The following SCHIP1 variants were observed in gnomAD, a reference collection of about 807,000 sequenced individuals.
SCHIP1 encodes the protein schwannomin interacting protein 1.
SCHIP1 carries 8 observed loss-of-function variants against 29.7 expected under a neutral mutation model. The observed-to-expected ratio is 0.27, with a 90% CI of 0.16 to 0.49. SCHIP1 has a LOEUF of 0.49. Ranked by LOEUF, SCHIP1 falls within the 20% of genes least tolerant of loss-of-function variation. SCHIP1 has a pLI of 0.99. For missense variants in SCHIP1, 193 were observed against 294.6 expected, an observed-to-expected ratio of 0.66 and a Z score of 2.52; for synonymous variants, 76 against 94.9, an observed-to-expected ratio of 0.80 and a Z score of 1.16.
chr3:159,304,452 G>A, the SCHIP1 span, among the ~76,000 whole-genome samples: 7 of 152,086 alleles, frequency 4.6e-5, no homozygotes, highest in South Asian at 2.1e-4. Context: ...TATTTCTAAC[G>A]TTTTCCTTCC....
chr3:159,751,549 C>CTT, the SCHIP1 span, among the ~76,000 whole-genome samples: 12,531 of 145,654 alleles, frequency 0.086, 573 homozygotes, highest in African/African-American at 0.11. Flanking sequence ...ACAATTATTT[C>CTT]TTTTTTTTTT....
chr3:159,326,835 T>C, the SCHIP1 span, among the ~76,000 whole-genome samples: 1 of 152,180 alleles, frequency 6.6e-6, no homozygotes, highest in Non-Finnish European at 1.5e-5. Context: ...ACAAAAGCAT[T>C]ACTTGGCTGG....
chr3:159,426,016 C>A, the SCHIP1 span, among the ~76,000 whole-genome samples: 17 of 151,970 alleles, frequency 1.1e-4, no homozygotes, highest in Admixed American at 5.2e-4. Context: ...CACAACATAC[C>A]AGAATCTCTG....
intron 6 of SCHIP1, 55 bp downstream of exon 7, chr3:159,892,245 T>G: frequency 6.2e-7 from 1 of 1,604,498 alleles, no homozygotes; most frequent in Non-Finnish European, 8.5e-7. Context: ...GTCTGAAATC[T>G]AAGAATTAGG....
chr3:159,554,139 G>A, the SCHIP1 span, among the ~76,000 whole-genome samples: 4 of 152,050 alleles, frequency 2.6e-5, no homozygotes, highest in African/African-American at 4.8e-5. Flanking sequence ...CAAAGTGCTG[G>A]GATTACAGGC....
At chr3:159,346,051 G>A in the SCHIP1 span, among the ~76,000 whole-genome samples, 1 of 151,790 alleles carries the variant, frequency 6.6e-6, no homozygotes, top group African/African-American at 2.4e-5. Flanking sequence ...AAAATTAGCT[G>A]GGCATGGTGG....
chr3:159,881,136 C>G (rs2109383441), intron 2 of SCHIP1, among the ~76,000 whole-genome samples: 1 of 152,318 alleles, frequency 6.6e-6, no homozygotes, highest in Admixed American at 6.5e-5. Flanking sequence ...CTAAAGCTTA[C>G]CCAAACCTCA....
chr3:159,333,169 A>C, the SCHIP1 span, among the ~76,000 whole-genome samples: 1 of 152,232 alleles, frequency 6.6e-6, no homozygotes, highest in Non-Finnish European at 1.5e-5. Context: ...ACATAAAAGA[A>C]AATGCCAATT....
At chr3:159,736,750 T>G in the SCHIP1 span, among the ~76,000 whole-genome samples, 1 of 151,870 alleles carries the variant, frequency 6.6e-6, no homozygotes, top group African/African-American at 2.4e-5. Context: ...TTTTTTTTTT[T>G]TTGAGACGGA....
the SCHIP1 span, among the ~76,000 whole-genome samples, chr3:159,605,519 G>A: frequency 6.6e-6 from 1 of 152,014 alleles, no homozygotes; most frequent in Admixed American, 6.6e-5. Flanking sequence ...AGGGGTTAAG[G>A]GACTTAGGCA....
intron 1 of SCHIP1, among the ~76,000 whole-genome samples, chr3:159,856,514 G>A (rs916053687): frequency 2.0e-5 from 3 of 152,168 alleles, no homozygotes; most frequent in East Asian, 1.9e-4. Flanking sequence ...AAAGGAAATC[G>A]GGAAAATTTA....
At chr3:159,510,366 C>T in the SCHIP1 span, among the ~76,000 whole-genome samples, 175 of 152,206 alleles carry the variant, frequency 1.1e-3, 1 homozygote, top group African/African-American at 4.0e-3. Context: ...GTTACCCATT[C>T]GTCTAATCTT....
chr3:159,834,033 G>A, the SCHIP1 span, among the ~76,000 whole-genome samples: 1 of 152,048 alleles, frequency 6.6e-6, no homozygotes, highest in Non-Finnish European at 1.5e-5. Context: ...TTGGACAGTT[G>A]ATGTTGTTCT....
the SCHIP1 span, chr3:159,764,120 C>A: frequency 2.1e-5 from 6 of 283,386 alleles, no homozygotes; most frequent in Non-Finnish European, 3.9e-5. The surrounding 1 kb of genome is among the most constrained non-coding windows in gnomAD (Gnocchi z 6.1). Context: ...GGTAAAGGGG[C>A]GCGCCTGGCG....
the SCHIP1 span, among the ~76,000 whole-genome samples, chr3:159,343,951 A>G: frequency 2.0e-5 from 3 of 152,208 alleles, no homozygotes; most frequent in African/African-American, 7.2e-5. Context: ...ATGGGTTTCT[A>G]TTATTTGGAG....
At chr3:159,436,053 G>A in the SCHIP1 span, among the ~76,000 whole-genome samples, 1 of 152,218 alleles carries the variant, frequency 6.6e-6, no homozygotes, top group Admixed American at 6.5e-5. Context: ...GAAAGCTTCA[G>A]CTGGAAAATG....
the SCHIP1 span, among the ~76,000 whole-genome samples, chr3:159,399,728 G>A: frequency 6.6e-6 from 1 of 152,158 alleles, no homozygotes; most frequent in Non-Finnish European, 1.5e-5. Flanking sequence ...CCAGGCTGGA[G>A]TGCAGTGGCA....
chr3:159,841,775 C>T (rs1051997294), intron 1 of SCHIP1, among the ~76,000 whole-genome samples: 1 of 152,098 alleles, frequency 6.6e-6, no homozygotes, highest in African/African-American at 2.4e-5. Flanking sequence ...CAATATATAA[C>T]AGTGTCATTA....
the SCHIP1 span, among the ~76,000 whole-genome samples, chr3:159,709,327 G>A: frequency 6.6e-6 from 1 of 152,048 alleles, no homozygotes; most frequent in African/African-American, 2.4e-5. Flanking sequence ...CTGTGATATT[G>A]TTCTAGTTTT....
Sources: gnomAD v4.1 joint callset for allele counts (sites outside exome capture counted in the v4.1 genomes callset) on GRCh38, gnomAD v4.1.1 for gene constraint, Gnocchi (gnomAD v3.1) non-coding constraint, MANE v1.5 for transcripts, NCBI Gene and HGNC (gene_info 2026-07-23, HGNC 2026-07-21) for gene names.